Variants in SPATA7 observed in about 807,000 individuals in gnomAD.
The protein encoded by SPATA7 is spermatogenesis-associated protein 7.
In SPATA7, 43 loss-of-function variants were observed where a neutral mutation model predicts 51.8. The observed-to-expected ratio is 0.83, with a 90% CI of 0.65 to 1.07. The LOEUF is 1.07. Among genes scored for constraint, SPATA7 ranks in the 50% least tolerant of loss-of-function variants. The probability of loss-of-function intolerance (pLI) is 0.00; values close to 1 mark genes in which losing one functional copy is unlikely to be tolerated. For synonymous variants in SPATA7, 230 were observed against 252.8 expected, an observed-to-expected ratio of 0.91 and a Z score of 0.86; for missense variants, 683 against 701.3, an observed-to-expected ratio of 0.97 and a Z score of 0.30.
chr14:88,446,199 G>T (rs2077211010), intron 3 of SPATA7, among the ~76,000 whole-genome samples: 1 of 152,054 alleles, frequency 6.6e-6, no homozygotes, highest in African/African-American at 2.4e-5. Context: ...AACTTTTCCT[G>T]GTTTAGTCTT....
intron 5 of SPATA7, among the ~76,000 whole-genome samples, chr14:88,422,111 T>G (rs1479951403): frequency 6.6e-6 from 1 of 152,112 alleles, no homozygotes; most frequent in Non-Finnish European, 1.5e-5. Flanking sequence ...AGGTTTTCTT[T>G]GGGGCTGGAG....
intron 4 of SPATA7, among the ~76,000 whole-genome samples, chr14:88,403,478 C>T (rs375633732): frequency 6.6e-6 from 1 of 152,070 alleles, no homozygotes; most frequent in Non-Finnish European, 1.5e-5. Context: ...AAATACTACA[C>T]ACACATACAC....
intron 1 of SPATA7, chr14:88,386,174 C>G: frequency 1.8e-6 from 1 of 564,910 alleles, no homozygotes; most frequent in Non-Finnish European, 2.9e-6. Context: ...TCCCCGGGCC[C>G]CAAATCAAAC....
At chr14:88,425,655 C>A (rs1174222649) in intron 5 of SPATA7, among the ~76,000 whole-genome samples, 2 of 151,912 alleles carry the variant, frequency 1.3e-5, no homozygotes, top group African/African-American at 4.8e-5. Flanking sequence ...CATAGTATTA[C>A]CCCCACCCCA....
chr14:88,433,417 G>C (rs1327274437), intron 10 of SPATA7, among the ~76,000 whole-genome samples: 1 of 152,070 alleles, frequency 6.6e-6, no homozygotes, highest in Non-Finnish European at 1.5e-5. Flanking sequence ...CACCACTTGG[G>C]AGAATTAAAG....
At chr14:88,424,281 C>T (rs1422727365) in intron 5 of SPATA7, among the ~76,000 whole-genome samples, 1 of 152,102 alleles carries the variant, frequency 6.6e-6, no homozygotes, top group Non-Finnish European at 1.5e-5. Context: ...CAGATTGGTA[C>T]AGTGGATTTT....
chr14:88,431,262 A>T (rs764804249), intron 9 of SPATA7, 37 bp downstream of exon 9: 1 of 1,563,300 alleles, frequency 6.4e-7, no homozygotes, highest in East Asian at 2.2e-5. Context: ...TGCATAGTGG[A>T]ATCAAGGATT....
chr14:88,456,392 C>A, downstream of SPATA7, among the ~76,000 whole-genome samples: 1 of 151,876 alleles, frequency 6.6e-6, no homozygotes, highest in African/African-American at 2.4e-5. Flanking sequence ...CCTGTTGTTT[C>A]CTGACTTTTT....
chr14:88,445,069 C>G (rs2077202303), intron 3 of SPATA7, among the ~76,000 whole-genome samples: 1 of 151,894 alleles, frequency 6.6e-6, no homozygotes, highest in Non-Finnish European at 1.5e-5. Flanking sequence ...TGTAAATTAC[C>G]TTGGGCAGTA....
intron 4 of SPATA7, among the ~76,000 whole-genome samples, chr14:88,399,888 C>A (rs900408486): frequency 6.6e-6 from 1 of 152,196 alleles, no homozygotes; most frequent in South Asian, 2.1e-4. Context: ...TAATAGAAGA[C>A]TTCAATAATC....
At chr14:88,393,271 A>G (rs2075791810) in intron 2 of SPATA7, 122 bp from the exon 3 acceptor site, 1 of 707,572 alleles carries the variant, frequency 1.4e-6, no homozygotes, top group Non-Finnish European at 2.4e-6. Flanking sequence ...AATGTCATAT[A>G]TCAATATCTC....
At chr14:88,437,694 C>CA in intron 11 of SPATA7, 97 bp downstream of exon 11, 1 of 1,311,014 alleles carries the variant, frequency 7.6e-7, no homozygotes, top group Non-Finnish European at 1.1e-6. Context: ...AAAGCAAGTG[C>CA]TTTTTTTTTC....
chr14:88,457,402 G>T (rs865996590), downstream of SPATA7, among the ~76,000 whole-genome samples: 2 of 152,102 alleles, frequency 1.3e-5, no homozygotes, highest in Non-Finnish European at 1.5e-5. Flanking sequence ...TTATTTCATT[G>T]AGCAGTGGTT....
At chr14:88,450,713 C>T (rs548713329) in intron 3 of SPATA7, among the ~76,000 whole-genome samples, 2 of 152,244 alleles carry the variant, frequency 1.3e-5, no homozygotes, top group East Asian at 1.9e-4. Context: ...ATGCTTTTGC[C>T]GCATAGCTCT....
chr14:88,455,871 C>G (rs572329836), downstream of SPATA7, among the ~76,000 whole-genome samples: 1 of 125,706 alleles, frequency 8.0e-6, no homozygotes, highest in Non-Finnish European at 1.7e-5. Flanking sequence ...TGCTATCCCT[C>G]CCCCTCCCCC....
intron 4 of SPATA7, among the ~76,000 whole-genome samples, chr14:88,403,362 C>T (rs1006783868): frequency 2.0e-5 from 3 of 152,166 alleles, no homozygotes; most frequent in Admixed American, 2.0e-4. Flanking sequence ...AAGGAGATAT[C>T]TGTTCTCCCA....
intron 4 of SPATA7, chr14:88,468,969 T>C: frequency 6.2e-7 from 1 of 1,614,136 alleles, no homozygotes; most frequent in Non-Finnish European, 8.5e-7. Flanking sequence ...ACCACGCCAG[T>C]CCTTCCTACC....
At chr14:88,414,890 ACCTTTTTTTCCACCGTGGT>A (rs1466014046) in intron 4 of SPATA7, among the ~76,000 whole-genome samples, 1 of 151,686 alleles carries the variant, frequency 6.6e-6, no homozygotes, top group Non-Finnish European at 1.5e-5. Flanking sequence ...ATTGATTTCT[ACCTTTTTTTCCACCGTGGT>A]CCAAAAATAT....
chr14:88,459,919 A>G (rs1401395337), downstream of SPATA7, among the ~76,000 whole-genome samples: 1 of 152,172 alleles, frequency 6.6e-6, no homozygotes, highest in Non-Finnish European at 1.5e-5. Context: ...GGTGGTGACA[A>G]AATCTCTCAG....
Sources: allele counts gnomAD v4.1 joint callset (sites outside exome capture counted in the v4.1 genomes callset), GRCh38; gene constraint gnomAD v4.1.1; transcripts MANE v1.5; gene names NCBI Gene and HGNC (gene_info 2026-07-23, HGNC 2026-07-21).